The following CCDC178 variants were observed in gnomAD, a reference collection of about 807,000 sequenced individuals.
CCDC178 encodes coiled-coil domain-containing protein 178.
In CCDC178, 126 loss-of-function variants were observed where a neutral mutation model predicts 117.4. That is an observed-to-expected ratio of 1.07 (90% CI 0.93 to 1.24). The LOEUF (loss-of-function observed/expected upper bound fraction) is 1.24, where lower values mean the gene tolerates loss of function less well. Among genes scored for constraint, CCDC178 ranks in the 50% most tolerant of loss-of-function variants. CCDC178 has a pLI of 0.00. For missense variants in CCDC178, 1,030 were observed against 986.9 expected, an observed-to-expected ratio of 1.04 and a Z score of -0.59; for synonymous variants, 283 against 313.4, an observed-to-expected ratio of 0.90 and a Z score of 1.02.
At chr18:33,030,216 T>A (rs2056308454) in intron 21 of CCDC178, among the ~76,000 whole-genome samples, 1 of 152,136 alleles carries the variant, frequency 6.6e-6, no homozygotes, top group African/African-American at 2.4e-5. Context: ...TTTATAATGA[T>A]AAAATGCCTC....
intron 21 of CCDC178, among the ~76,000 whole-genome samples, chr18:33,072,961 C>A (rs1252913197): frequency 6.6e-6 from 1 of 152,056 alleles, no homozygotes; most frequent in Non-Finnish European, 1.5e-5. Flanking sequence ...AAAGTATTTA[C>A]AGTGGGAGCT....
chr18:33,334,612 G>T (rs1285477734), intron 9 of CCDC178, among the ~76,000 whole-genome samples: 1 of 151,692 alleles, frequency 6.6e-6, no homozygotes, highest in African/African-American at 2.4e-5. Flanking sequence ...CTTTACCTGG[G>T]ATTTTCTGCA....
At chr18:33,401,138 T>C (rs2063704561) in intron 3 of CCDC178, among the ~76,000 whole-genome samples, 1 of 152,136 alleles carries the variant, frequency 6.6e-6, no homozygotes, top group African/African-American at 2.4e-5. Context: ...ACAATTACAA[T>C]AGTAACAACA....
chr18:33,260,202 T>A (rs982285400), intron 14 of CCDC178, among the ~76,000 whole-genome samples: 5 of 152,128 alleles, frequency 3.3e-5, no homozygotes, highest in African/African-American at 1.2e-4. Flanking sequence ...CCATTTTGTC[T>A]ACTTTTACTC....
chr18:33,431,499 T>C (rs1044072115), intron 2 of CCDC178, among the ~76,000 whole-genome samples: 2 of 152,214 alleles, frequency 1.3e-5, no homozygotes, highest in African/African-American at 4.8e-5. Flanking sequence ...TAGTGTTATT[T>C]AAGTCAATTT....
At chr18:33,415,984 C>G (rs770803229) in intron 2 of CCDC178, among the ~76,000 whole-genome samples, 2 of 152,120 alleles carry the variant, frequency 1.3e-5, no homozygotes, top group Admixed American at 6.6e-5. Flanking sequence ...GTAGAAGAGA[C>G]CAGCAACCCA....
At chr18:33,217,573 C>T (rs1255483147) in intron 18 of CCDC178, among the ~76,000 whole-genome samples, 2 of 151,304 alleles carry the variant, frequency 1.3e-5, no homozygotes, top group Non-Finnish European at 2.9e-5. Context: ...TGTCAAAATA[C>T]TATATTGGCC....
At chr18:33,277,309 A>C (rs1376153743) in intron 12 of CCDC178, among the ~76,000 whole-genome samples, 6 of 152,150 alleles carry the variant, frequency 3.9e-5, no homozygotes, top group Non-Finnish European at 8.8e-5. Flanking sequence ...TAGTTAGAAG[A>C]ATTAATAAAA....
intron 5 of CCDC178, among the ~76,000 whole-genome samples, chr18:33,379,175 T>C (rs1370621378): frequency 1.4e-5 from 2 of 139,324 alleles, no homozygotes; most frequent in Non-Finnish European, 3.1e-5. Context: ...ATATATATAA[T>C]ATATATATTT....
At chr18:33,059,295 G>A (rs992469536) in intron 21 of CCDC178, among the ~76,000 whole-genome samples, 6 of 152,146 alleles carry the variant, frequency 3.9e-5, no homozygotes, top group East Asian at 1.9e-4. Context: ...AAGACTCCCC[G>A]ATTAGTAGCT....
At chr18:32,969,641 T>C (rs1180575581) in intron 22 of CCDC178, among the ~76,000 whole-genome samples, 1 of 152,018 alleles carries the variant, frequency 6.6e-6, no homozygotes, top group Admixed American at 6.6e-5. Context: ...ATCTTTCTTA[T>C]ATTGCTGCTC....
intron 11 of CCDC178, among the ~76,000 whole-genome samples, chr18:33,315,231 G>T (rs949347885): frequency 2.0e-5 from 3 of 152,064 alleles, no homozygotes; most frequent in Non-Finnish European, 4.4e-5. Context: ...CTTGATAATC[G>T]TCTGACTTTT....
intron 20 of CCDC178, among the ~76,000 whole-genome samples, chr18:33,126,290 GTAT>G (rs1293560142): frequency 4.7e-5 from 7 of 149,988 alleles, no homozygotes; most frequent in African/African-American, 1.2e-4. Flanking sequence ...ACAGTATGTA[GTAT>G]TATTTGGTGT....
At chr18:33,314,226 A>AAAAAAAAG (rs1568138238) in intron 11 of CCDC178, among the ~76,000 whole-genome samples, 5 of 138,176 alleles carry the variant, frequency 3.6e-5, no homozygotes, top group Non-Finnish European at 4.6e-5. Context: ...AAAAAAAAAA[A>AAAAAAAAG]AAAAAAAGAA....
intron 7 of CCDC178, among the ~76,000 whole-genome samples, chr18:33,354,267 T>A (rs1399776750): frequency 1.3e-5 from 2 of 152,142 alleles, no homozygotes; most frequent in Non-Finnish European, 2.9e-5. Context: ...GGTGTGGATC[T>A]GTTTGACTTG....
chr18:33,346,288 C>G lies in CCDC178; in HGVS notation c.581G>C (p.Arg194Thr), dbSNP rs1446872872. The G allele has an allele frequency of 6.2e-7, 1 of 1,613,896 alleles. No individual in the cohort carries two copies. Residue 194 changes from arginine (R) to threonine (T), a missense_variant, in exon 9 of 23, where the codon AGA becomes ACA. Transcript: ENST00000383096. ...AATTTTCATGTTAATCATATTCTTTCTTGATCTCTGTTGTTTTAAAGCTTC... is the reference window on the plus strand; with the variant it reads ...AATTTTCATGTTAATCATATTCTTTGTTGATCTCTGTTGTTTTAAAGCTTC... ...AEEALKQQRS[R>T]KNMINMKIDS... is the part of the protein sequence containing the mutation.
chr18:32,974,701 G>A lies in CCDC178; in HGVS notation c.2389-20C>T, dbSNP rs777841251. 7 of 1,609,916 alleles carry A rather than the reference G, an allele frequency of 4.3e-6. No homozygotes were observed. The highest frequency in any genetic ancestry group is 5.9e-6 in the Non-Finnish European group (7 of 1,179,188). ...ACAGAGCTAAAGGGAAGAGGGAGGG[G>A]AGAAAACACAAGTCAGAGGAGGAGA... is the stretch of plus-strand genomic sequence containing the variant. On this transcript the variant is annotated intron_variant, in intron 21 of 22. Coordinates refer to ENST00000383096, the MANE Select transcript of CCDC178 (RefSeq NM_001105528.4).
At chr18:33,372,917 T>C (rs1390049716) in intron 5 of CCDC178, among the ~76,000 whole-genome samples, 8 of 152,194 alleles carry the variant, frequency 5.3e-5, no homozygotes, top group African/African-American at 1.9e-4. Context: ...ATCATCCCTT[T>C]ATCTCAACTC....
At chr18:33,038,577 G>T (rs774485872) in intron 21 of CCDC178, among the ~76,000 whole-genome samples, 1 of 151,954 alleles carries the variant, frequency 6.6e-6, no homozygotes, top group Non-Finnish European at 1.5e-5. Flanking sequence ...CATGTTCTTT[G>T]AGACATTTTC....
Sources: allele counts gnomAD v4.1 joint callset (sites outside exome capture counted in the v4.1 genomes callset), GRCh38; gene constraint gnomAD v4.1.1; transcripts MANE v1.5; gene names NCBI Gene and HGNC (gene_info 2026-07-23, HGNC 2026-07-21).